WDR54: variants seen among roughly 807,000 people sequenced by gnomAD.
WDR54 encodes the protein WD repeat-containing protein 54.
In WDR54, 44 loss-of-function variants were observed where a neutral mutation model predicts 44.1. The ratio of observed to expected loss-of-function variants is 1.00; its 90% CI spans 0.78 to 1.28. The LOEUF (loss-of-function observed/expected upper bound fraction) is 1.28. Among genes scored for constraint, WDR54 ranks in the 50% most tolerant of loss-of-function variants. WDR54 has a pLI of 0.00. For missense variants in WDR54, 409 were observed against 429.7 expected (o/e 0.95, Z 0.43); for synonymous variants, 169 against 169.8 (o/e 1.00, Z 0.04).
At chr2:74,425,385 G>A (rs778266630) in intron 8 of WDR54, 32 bp from the exon 9 acceptor site, 7 of 1,613,280 alleles carry the variant, frequency 4.3e-6, no homozygotes, top group Non-Finnish European at 8.5e-7. Context: ...TCCCGTCAGG[G>A]CATTCTGACT....
In WDR54 at chr2:74,425,253, T is replaced by G; in HGVS notation, c.798+16T>G. 1 of 1,534,506 alleles carries G rather than the reference T, an allele frequency of 6.5e-7. No individual in the cohort carries two copies. Among genetic ancestry groups the G allele is most frequent in the Non-Finnish European group, 8.8e-7 (1 of 1,140,372 alleles). ...GGTGGGCAAGGTAAGTCTCCTCCTC[T>G]GTACCTACATACCCTTTTTCCTGGC... On this transcript the variant is annotated intron_variant, in intron 8 of 9. Transcript: ENST00000348227.
Position 74,422,208 on chromosome 2 carries a change from A to C in WDR54, c.55A>C (p.Asn19His), listed in dbSNP as rs1363617925. The change falls in exon 2 of 10, where the codon AAC (asparagine) becomes CAC (histidine). Residue 19 changes from asparagine to histidine, a missense_variant. Transcript: ENST00000348227. The part of the protein sequence containing the change: ...PLRGSAAALC[N>H]NLSVLQLPAR... The stretch of plus-strand genomic sequence containing the variant: ...GCGAGGCTCGGCCGCCGCCCTGTGC[A>C]ACAACCTCAGTGTGCTGCAGCTGCC... 6.2e-7 allele frequency: 1 copy of C among 1,613,990 alleles called. No homozygotes were observed. The highest frequency in any genetic ancestry group is 1.3e-5 in the African/African-American group (1 of 74,938).
intron 2 of WDR54, 175 bp downstream of exon 2, chr2:74,422,550 T>TG: frequency 1.3e-6 from 1 of 782,556 alleles, no homozygotes; most frequent in Non-Finnish European, 2.0e-6. Flanking sequence ...ATCCCAACAC[T>TG]TTGGGAGGCT....
rs766430884 is a variant in WDR54 at position 74,421,777 on chromosome 2, C to T, written c.-41C>T. 7 of 667,816 alleles carry T rather than the reference C, an allele frequency of 1.0e-5. No individual in the cohort carries two copies. Among genetic ancestry groups the T allele is most frequent in the South Asian group, 5.0e-5 (3 of 59,978 alleles). 41.4% of individuals were successfully genotyped at this position (667,816 alleles called of 1,614,324 possible). A position where few individuals can be genotyped will look rare whatever the true frequency, so the allele number is the denominator to read the frequency against. ...TGGTGGCGGCGGATTTGGAGGGACC[C>T]TACGAACCAGGAGTCAGGCGAGCCG... On this transcript the variant is annotated 5_prime_UTR_variant, in exon 1 of 10. Transcript: ENST00000348227.
chr2:74,424,776 G>C, intron 6 of WDR54, 99 bp from the exon 7 acceptor site: 1 of 1,461,898 alleles, frequency 6.8e-7, no homozygotes, highest in Non-Finnish European at 9.6e-7. Context: ...TTTCCCTGGA[G>C]AGGCAAAGAT....
chr2:74,425,112 A>G lies in WDR54; in HGVS notation c.673A>G (p.Ile225Val). The change falls in exon 8 of 10, where the codon ATA (isoleucine) becomes GTA (valine). Residue 225 changes from isoleucine (I) to valine (V), a missense_variant. By Grantham distance (29) the Ile-to-Val change is conservative. Coordinates refer to ENST00000348227, the MANE Select transcript of WDR54 (RefSeq NM_032118.4). ...CTCTGTGCAGCTGTGGCAGGGGATC[A>G]TAGCAGCAGGCTATGGGAACGGACA... ...CPSVQLWQGI[I>V]AAGYGNGQVH... The G allele has an allele frequency of 6.3e-7, 1 of 1,585,596 alleles. No homozygotes were observed. Among genetic ancestry groups the G allele is most frequent in the South Asian group, 1.2e-5 (1 of 86,500 alleles).
intron 6 of WDR54, among the ~76,000 whole-genome samples, 182 bp from the exon 7 acceptor site, chr2:74,424,693 G>C (rs1018275572): frequency 1.3e-5 from 2 of 152,232 alleles, no homozygotes; most frequent in Admixed American, 6.5e-5. Context: ...AGCAGTTCAT[G>C]CTTCCCAAGG....
intron 1 of WDR54, 56 bp from the exon 2 acceptor site, chr2:74,422,097 A>G: frequency 1.9e-6 from 3 of 1,564,852 alleles, no homozygotes; most frequent in South Asian, 1.1e-5. Flanking sequence ...GCCCTCGGGC[A>G]TCTCCGCTGC....
chr2:74,422,794 C>CAA (rs1164877169), intron 2 of WDR54, 76 bp from the exon 3 acceptor site: 208 of 1,050,032 alleles, frequency 2.0e-4, no homozygotes, highest in African/African-American at 9.2e-4. Flanking sequence ...CTCCGTCCCC[C>CAA]AAAAAAAAAA....
In WDR54 at chr2:74,422,290, G is replaced by A; in HGVS notation, c.137G>A (p.Ser46Asn). ...VVHGPSAQLL[S>N]AAPEGVPLAQ... ...CATGGACCAAGCGCCCAGCTTCTCA[G>A]CGCTGCTCCTGAGGGTGTGCCCTTG... The change falls in exon 2 of 10, where the codon AGC becomes AAC. Residue 46 changes from serine to asparagine, a missense_variant. Ser to Asn is a conservative substitution (Grantham distance 46, BLOSUM62 1). Coordinates refer to ENST00000348227, the MANE Select transcript of WDR54 (RefSeq NM_032118.4). 1 of 1,614,220 alleles carries A rather than the reference G, an allele frequency of 6.2e-7. No individual in the cohort carries two copies. The highest frequency in any genetic ancestry group is 1.7e-5 in the Admixed American group (1 of 60,032).
chr2:74,423,380 C>T lies in WDR54; in HGVS notation c.347C>T (p.Ser116Phe). The T allele has an allele frequency of 2.5e-6, 4 of 1,614,148 alleles. No homozygotes were observed. The highest frequency in any genetic ancestry group is 1.7e-4 in the Middle Eastern group (1 of 6,042). ...YWHALDSGDA[S>F]PVQAVFARGI... ...CATGCACTGGACTCTGGAGATGCCTCCCCAGGTACCTGCAGGACCAAGTGG... is the reference window on the plus strand; with the variant it reads ...CATGCACTGGACTCTGGAGATGCCTTCCCAGGTACCTGCAGGACCAAGTGG... Residue 116 changes from serine to phenylalanine, a missense_variant, in exon 4 of 10, where the codon TCC becomes TTC. By Grantham distance (155) the Ser-to-Phe change is radical (BLOSUM62 -2). Coordinates refer to ENST00000348227, the MANE Select transcript of WDR54 (RefSeq NM_032118.4).
Position 74,425,208 on chromosome 2 carries a change from G to T in WDR54, c.769G>T (p.Ala257Ser). 1 of 1,533,082 alleles carries T rather than the reference G, an allele frequency of 6.5e-7. No individual in the cohort carries two copies. The highest frequency in any genetic ancestry group is 1.3e-5 in the South Asian group (1 of 77,976). 95.0% of individuals were successfully genotyped at this position (1,533,082 alleles called of 1,614,324 possible). The change falls in exon 8 of 10, where the codon GCC becomes TCC. Residue 257 changes from alanine to serine, a missense_variant. By Grantham distance (99) the Ala-to-Ser change is moderately conservative. Coordinates refer to ENST00000348227, the MANE Select transcript of WDR54 (RefSeq NM_032118.4). Reference sequence around the variant, plus strand: ...CAATGCCCATGCCCGGGCCATCTGCGCCCTGGACCTGGCTTCTGAGGTGGG... The same window carrying T: ...CAATGCCCATGCCCGGGCCATCTGCTCCCTGGACCTGGCTTCTGAGGTGGG... ...QINAHARAIC[A>S]LDLASEVGKL... is the part of the protein sequence containing the mutation.
In WDR54 at chr2:74,425,132, C is replaced by A. The variant is rs142674559; in HGVS notation, c.693C>A (p.Asn231Lys). The A allele has an allele frequency of 6.4e-7, 1 of 1,568,732 alleles. No homozygotes were observed. The highest frequency in any genetic ancestry group is 1.7e-5 in the Admixed American group (1 of 57,620). The change falls in exon 8 of 10, where the codon AAC becomes AAA. Residue 231 changes from asparagine to lysine, a missense_variant. Physicochemically the swap from Asn to Lys is moderately conservative, Grantham distance 94. Transcript: ENST00000348227. ...WQGIIAAGYG[N>K]GQVHLYEATT... Reference sequence around the variant, plus strand: ...GGATCATAGCAGCAGGCTATGGGAACGGACAAGTGCATCTATATGAGGCCA... The same window carrying A: ...GGATCATAGCAGCAGGCTATGGGAAAGGACAAGTGCATCTATATGAGGCCA...
At position 74,423,976 on chromosome 2, in the gene WDR54, G is replaced by A. The variant is rs370998208; in HGVS notation, c.528G>A (p.Gln176=). The A allele has an allele frequency of 1.1e-4, 183 of 1,614,004 alleles. No homozygotes were observed. The highest frequency in any genetic ancestry group is 1.5e-4 in the Non-Finnish European group (173 of 1,180,024). ...PITDIATEPA[Q]GQDCVADMVT... ...CAGACATTGCCACCGAGCCTGCCCA[G>A]GGACAGGTGAGTGGACTTCCCCTAC... The change falls in exon 6 of 10, where the codon CAG becomes CAA. Residue 176 remains glutamine, a synonymous_variant. Transcript: ENST00000348227.
In WDR54 at chr2:74,425,724, C is replaced by A; in HGVS notation, c.*23C>A. On this transcript the variant is annotated 3_prime_UTR_variant, in exon 10 of 10. Coordinates refer to ENST00000348227, the MANE Select transcript of WDR54 (RefSeq NM_032118.4). ...TGAGAAGAGCAGCCTTCCTTTGTCCCTGTGGTATTCATAAAGTACCCGCTC... is the reference window on the plus strand; with the variant it reads ...TGAGAAGAGCAGCCTTCCTTTGTCCATGTGGTATTCATAAAGTACCCGCTC... The A allele has an allele frequency of 6.2e-7, 1 of 1,613,868 alleles. No homozygotes were observed. Among genetic ancestry groups the A allele is most frequent in the South Asian group, 1.1e-5 (1 of 90,934 alleles).
Position 74,421,735 on chromosome 2 carries a change from T to C in WDR54, c.-83T>C, listed in dbSNP as rs760446720. ...GCTCACCCCGCCCAAGGGCCGTGCGTACGTGCGTCGTCTCTATGGTGGCGG... is the reference window on the plus strand; with the variant it reads ...GCTCACCCCGCCCAAGGGCCGTGCGCACGTGCGTCGTCTCTATGGTGGCGG... On this transcript the variant is annotated 5_prime_UTR_variant, in exon 1 of 10. Transcript: ENST00000348227. 733 of 586,916 alleles carry C rather than the reference T, an allele frequency of 1.2e-3. 11 individuals are homozygous for C. The highest frequency in any genetic ancestry group is 3.0e-4 in the Non-Finnish European group (96 of 320,660). The allele number at this position is 586,916 out of a possible 1,614,324, so 36.4% of individuals were successfully genotyped here.
At chr2:74,422,419 C>T (rs1288533181) in intron 2 of WDR54, 44 bp downstream of exon 2, 1 of 1,565,236 alleles carries the variant, frequency 6.4e-7, no homozygotes, top group African/African-American at 1.4e-5. Flanking sequence ...CCCAGTCCTA[C>T]CCCCAGCCTT....
At position 74,423,541 on chromosome 2, in the gene WDR54, C is replaced by A; in HGVS notation, c.406+10C>A. ...CACTTCATCTGTGTGGGTGAGGGAG[C>A]CAAGTGCAGGGCATGGAGGGGTGCT... On this transcript the variant is annotated intron_variant, in intron 5 of 9. Coordinates refer to ENST00000348227, the MANE Select transcript of WDR54 (RefSeq NM_032118.4). 6.2e-7 allele frequency: 1 copy of A among 1,613,552 alleles called. No individual in the cohort carries two copies.
intron 6 of WDR54, among the ~76,000 whole-genome samples, chr2:74,424,311 C>A (rs1670259225): frequency 6.6e-6 from 1 of 152,244 alleles, no homozygotes; most frequent in South Asian, 2.1e-4. Flanking sequence ...GCCATCCATC[C>A]TCTCCAGGAA....
Sources: gnomAD v4.1 joint callset for allele counts (sites outside exome capture counted in the v4.1 genomes callset) on GRCh38, gnomAD v4.1.1 for gene constraint, MANE v1.5 for transcripts, NCBI Gene and HGNC (gene_info 2026-07-23, HGNC 2026-07-21) for gene names.